The following NLGN1 variants were observed in gnomAD, a reference collection of about 807,000 sequenced individuals.
NLGN1 encodes neuroligin-1.
Under a neutral mutation model 65.5 loss-of-function variants are expected in NLGN1, and 12 were observed. That is an observed-to-expected ratio of 0.18 (90% confidence interval 0.12 to 0.30). The LOEUF (loss-of-function observed/expected upper bound fraction) is 0.30. Among genes scored for constraint, NLGN1 ranks in the 10% least tolerant of loss-of-function variants. The probability of loss-of-function intolerance (pLI) is 1.00; values close to 1 mark genes in which losing one functional copy is unlikely to be tolerated. For missense variants in NLGN1, 750 were observed against 1,007.1 expected (o/e 0.74, Z 3.46); for synonymous variants, 350 against 359.5 (o/e 0.97, Z 0.30).
At chr3:173,827,629 ATGTGTGTGTGTG>A (rs59670610) in intron 4 of NLGN1, among the ~76,000 whole-genome samples, 85,567 of 146,878 alleles carry the variant, frequency 0.58, 25,574 homozygotes, top group Non-Finnish European at 0.67. Flanking sequence ...TATTTATGAT[ATGTGTGTGTGTG>A]TGTGTGTGTG....
intron 4 of NLGN1, among the ~76,000 whole-genome samples, chr3:174,014,789 G>A (rs1288532346): frequency 3.3e-5 from 5 of 152,124 alleles, no homozygotes; most frequent in Non-Finnish European, 7.4e-5. Flanking sequence ...TAAAAGGAAC[G>A]TAGTAACCTT....
chr3:173,961,286 G>A (rs899581519), intron 4 of NLGN1, among the ~76,000 whole-genome samples: 4 of 152,006 alleles, frequency 2.6e-5, no homozygotes, highest in African/African-American at 9.6e-5. Flanking sequence ...TAAATAAAAC[G>A]GTAGAAACAA....
intron 2 of NLGN1, among the ~76,000 whole-genome samples, chr3:173,462,810 A>G (rs1236808563): frequency 6.6e-6 from 1 of 152,222 alleles, no homozygotes; most frequent in Non-Finnish European, 1.5e-5. Flanking sequence ...TCTTAAAAAA[A>G]TCTGGCAGGA....
At chr3:173,437,784 A>AACAC (rs371529522) in intron 2 of NLGN1, among the ~76,000 whole-genome samples, 1 of 150,448 alleles carries the variant, frequency 6.6e-6, no homozygotes, top group African/African-American at 2.5e-5. Flanking sequence ...CCCACCCACC[A>AACAC]ACACACACAC....
chr3:173,806,473 A>G (rs1237915329), intron 3 of NLGN1, among the ~76,000 whole-genome samples: 1 of 152,164 alleles, frequency 6.6e-6, no homozygotes, highest in African/African-American at 2.4e-5. Flanking sequence ...ATTAAATTAT[A>G]CGTTTTAATA....
At chr3:174,076,722 A>AGTGTGTGT (rs945040076) in intron 4 of NLGN1, among the ~76,000 whole-genome samples, 1 of 102,894 alleles carries the variant, frequency 9.7e-6, no homozygotes, top group African/African-American at 4.6e-5. Context: ...AGAGAGAGAG[A>AGTGTGTGT]GAGTGTGTGT....
intron 4 of NLGN1, among the ~76,000 whole-genome samples, chr3:174,061,197 G>C (rs1342774512): frequency 1.3e-5 from 2 of 152,094 alleles, no homozygotes; most frequent in Non-Finnish European, 2.9e-5. Context: ...CAAGCAGAAA[G>C]TTGGGAGCCA....
At chr3:173,585,952 T>C (rs1388690912) in intron 2 of NLGN1, among the ~76,000 whole-genome samples, 1 of 152,212 alleles carries the variant, frequency 6.6e-6, no homozygotes, top group African/African-American at 2.4e-5. Context: ...TGAATATGAA[T>C]TGACTCAGGC....
intron 2 of NLGN1, among the ~76,000 whole-genome samples, chr3:173,529,475 GT>G (rs1296207438): frequency 1.7e-4 from 26 of 152,332 alleles, no homozygotes; most frequent in Admixed American, 1.6e-3. Context: ...GGGGGTGACA[GT>G]GGGGGCTCCT....
chr3:174,033,629 A>C (rs1322241592), intron 4 of NLGN1, among the ~76,000 whole-genome samples: 1 of 152,166 alleles, frequency 6.6e-6, no homozygotes, highest in Non-Finnish European at 1.5e-5. Flanking sequence ...AATAAAGAAG[A>C]AATACTAGAA....
chr3:173,415,087 T>G (rs1713407026), intron 1 of NLGN1, among the ~76,000 whole-genome samples: 1 of 152,218 alleles, frequency 6.6e-6, no homozygotes, highest in South Asian at 2.1e-4. Flanking sequence ...GTCAGAACAT[T>G]TGCAGTGTTT....
chr3:173,940,592 T>C (rs1745911376), intron 4 of NLGN1, among the ~76,000 whole-genome samples: 1 of 152,172 alleles, frequency 6.6e-6, no homozygotes, highest in South Asian at 2.1e-4. Flanking sequence ...TAGAAATAAA[T>C]CTTTCCCTCC....
Position 174,161,772 on chromosome 3 carries a change from C to T in NLGN1, c.647-113543C>T, listed in dbSNP as rs150859939. On this transcript the variant is annotated intron_variant, in intron 4 of 6. Coordinates refer to ENST00000457714, the Ensembl canonical transcript of NLGN1. The stretch of plus-strand genomic sequence containing the variant: ...AGTTTCAGCTCCTTAATACTATCCA[C>T]GGGGTCTGATGGTAGATTTCCTGAG... Among the ~76,000 whole-genome samples, 6 of 151,908 alleles carry T rather than the reference C, an allele frequency of 3.9e-5. No individual in the cohort carries two copies. In the East Asian group the frequency reaches 5.8e-4, roughly 15 times the overall value.
exon 3 of NLGN1, chr3:173,604,452 G>T (rs1751045433): frequency 3.8e-6 from 3 of 783,858 alleles, no homozygotes; most frequent in South Asian, 3.4e-5. Flanking sequence ...GGAGATATCT[G>T]CTGTCTGAAG....
intron 2 of NLGN1, among the ~76,000 whole-genome samples, chr3:173,511,536 T>TAAG (rs1732970205): frequency 6.6e-6 from 1 of 152,248 alleles, no homozygotes; most frequent in Non-Finnish European, 1.5e-5. Context: ...GGGGAAATTA[T>TAAG]CAGTCATTAT....
At chr3:174,250,234 C>G (rs1341980687) in intron 4 of NLGN1, among the ~76,000 whole-genome samples, 4 of 152,072 alleles carry the variant, frequency 2.6e-5, no homozygotes, top group African/African-American at 9.7e-5. Flanking sequence ...AGTACTTAGC[C>G]AAGTGCCTAG....
At chr3:173,412,292 A>G (rs949188343) in intron 1 of NLGN1, among the ~76,000 whole-genome samples, 2 of 145,182 alleles carry the variant, frequency 1.4e-5, no homozygotes, top group African/African-American at 2.6e-5. Context: ...CCAGTGCTCA[A>G]TGCATTCTCT....
intron 3 of NLGN1, among the ~76,000 whole-genome samples, chr3:173,709,994 A>G (rs866202470): frequency 5.9e-5 from 9 of 152,132 alleles, no homozygotes; most frequent in African/African-American, 2.2e-4. Flanking sequence ...TGCAATACCC[A>G]TATATTGAAA....
chr3:173,636,370 T>G (rs752733589), intron 3 of NLGN1, among the ~76,000 whole-genome samples: 7 of 152,308 alleles, frequency 4.6e-5, no homozygotes, highest in Non-Finnish European at 1.0e-4. Flanking sequence ...GGTGGTTCTA[T>G]TCCTTCAAGG....
Sources: gnomAD v4.1 joint callset for allele counts (sites outside exome capture counted in the v4.1 genomes callset) on GRCh38, gnomAD v4.1.1 for gene constraint, MANE v1.5 for transcripts, NCBI Gene and HGNC (gene_info 2026-07-23, HGNC 2026-07-21) for gene names.